Variants in DMAC2 observed in about 807,000 individuals in gnomAD.
The protein encoded by DMAC2 is distal membrane-arm assembly complex protein 2.
A neutral mutation model predicts 29.6 loss-of-function variants in DMAC2; 32 were observed. The observed-to-expected ratio is 1.08, with a 90% CI of 0.81 to 1.45. The LOEUF (loss-of-function observed/expected upper bound fraction) is 1.45, where lower values mean the gene tolerates loss of function less well. Among genes scored for constraint, DMAC2 ranks in the 40% most tolerant of loss-of-function variants. The pLI is 0.00. For missense variants in DMAC2, 319 were observed against 340.0 expected (o/e 0.94, Z 0.49); for synonymous variants, 133 against 137.4 (o/e 0.97, Z 0.23).
At chr19:41,433,976 G>A (rs540781089) in intron 3 of DMAC2, among the ~76,000 whole-genome samples, 1 of 152,270 alleles carries the variant, frequency 6.6e-6, no homozygotes, top group South Asian at 2.1e-4. Context: ...GCTCACGCCT[G>A]TAATCCCAGC....
In DMAC2 at chr19:41,432,706, CGTGT is replaced by C. The variant is rs72065187; in HGVS notation, c.597-302_597-299del. On this transcript the variant is annotated intron_variant, in intron 5 of 5. Transcript: ENST00000221943. ...GGGAGATAAGCCAGTATAAGGACAG[CGTGT>C]GTGTGTGTGTGTGTGTGTGTAGGGA... is the stretch of plus-strand genomic sequence containing the variant. 712 of 207,856 alleles carry C rather than the reference CGTGT, an allele frequency of 3.4e-3. 3 individuals carry two copies. Among genetic ancestry groups the C allele is most frequent in the Middle Eastern group, 7.6e-3 (5 of 656 alleles). 12.9% of individuals were successfully genotyped at this position (207,856 alleles called of 1,614,324 possible).
intron 1 of DMAC2, chr19:41,439,203 G>T: frequency 1.0e-5 from 4 of 401,522 alleles, no homozygotes; most frequent in South Asian, 3.2e-5. Flanking sequence ...ATTTCTCTTT[G>T]CTTTAACCAA....
At chr19:41,436,565 A>G in intron 2 of DMAC2, 93 bp from the exon 3 acceptor site, 1 of 987,948 alleles carries the variant, frequency 1.0e-6, no homozygotes, top group Non-Finnish European at 1.6e-6. Flanking sequence ...AGTCCAGAGA[A>G]CCAGGCACAC....
intron 1 of DMAC2, 119 bp downstream of exon 1, chr19:41,439,763 G>T: frequency 6.5e-7 from 1 of 1,528,166 alleles, no homozygotes; most frequent in Non-Finnish European, 9.0e-7. Context: ...TACGGGGCTT[G>T]CCAGGCTTAG....
intron 3 of DMAC2, among the ~76,000 whole-genome samples, chr19:41,434,815 G>T (rs983755299): frequency 6.6e-6 from 1 of 152,040 alleles, no homozygotes; most frequent in Non-Finnish European, 1.5e-5. Context: ...GACCAGCCTG[G>T]CCAACATGGT....
Position 41,438,307 on chromosome 19 carries a change from G to C in DMAC2, c.126C>G (p.Leu42=), listed in dbSNP as rs782136347. The change falls in exon 2 of 6, where the codon CTC becomes CTG. Residue 42 remains leucine (L), a synonymous_variant. Coordinates refer to ENST00000221943, the MANE Select transcript of DMAC2 (RefSeq NM_018035.3). ...EGNQKKKRTI[L]QFLTNYFYDV... ...CGTAGAAATAGTTGGTCAGGAACTG[G>C]AGTATTGTCCTTTTCTTCTTCTGAT... The C allele has an allele frequency of 3.7e-6, 6 of 1,614,228 alleles. No homozygotes were observed. In the Middle Eastern group the frequency reaches 8.2e-4, roughly 222 times the overall value.
Position 41,432,345 on chromosome 19 carries a change from T to TAG in DMAC2, c.659_660insCT (p.Leu221TyrfsTer21). On this transcript the variant is annotated frameshift_variant, in exon 6 of 6. Transcript: ENST00000221943. LOFTEE classifies it low-confidence loss of function (END_TRUNC). ...AATTGGGCAGCATCTCCTCCACCAATATCTGAGTGAGGCCAGGGTTGGACA... is the reference window on the plus strand; with the variant it reads ...AATTGGGCAGCATCTCCTCCACCAATAGATCTGAGTGAGGCCAGGGTTGGACA... The TAG allele has an allele frequency of 6.2e-7, 1 of 1,614,004 alleles. No homozygotes were observed. Among genetic ancestry groups the TAG allele is most frequent in the Non-Finnish European group, 8.5e-7 (1 of 1,179,986 alleles).
At position 41,438,386 on chromosome 19, in the gene DMAC2, T is replaced by A; in HGVS notation, c.47A>T (p.Asn16Ile). 1 of 1,614,042 alleles carries A rather than the reference T, an allele frequency of 6.2e-7. No individual in the cohort carries two copies. Among genetic ancestry groups the A allele is most frequent in the Non-Finnish European group, 8.5e-7 (1 of 1,179,966 alleles). Residue 16 changes from asparagine to isoleucine, a missense_variant, in exon 2 of 6, where the codon AAT (asparagine) becomes ATT (isoleucine). Coordinates refer to ENST00000221943, the MANE Select transcript of DMAC2 (RefSeq NM_018035.3). ...ASLRLVAPMW[N>I]GRIRGIHRLG... is the part of the protein sequence containing the mutation. ...GCGATGGATGCCCCTGATACGCCCA[T>A]TCCACATGGGGGCGACCAGGCGCAG...
intron 5 of DMAC2, chr19:41,432,946 C>T: frequency 2.0e-6 from 1 of 507,652 alleles, no homozygotes; most frequent in Non-Finnish European, 3.5e-6. Flanking sequence ...TCAACCTTAG[C>T]TTCCTAAAAT....
At chr19:41,433,706 C>T in intron 3 of DMAC2, 33 bp from the exon 4 acceptor site, 2 of 1,613,542 alleles carry the variant, frequency 1.2e-6, no homozygotes, top group Non-Finnish European at 8.5e-7. Context: ...CAGCAGGGCA[C>T]CTGAACCTGC....
intron 5 of DMAC2, 64 bp downstream of exon 5, chr19:41,433,208 C>T: frequency 2.0e-6 from 3 of 1,506,400 alleles, no homozygotes; most frequent in South Asian, 2.5e-5. Flanking sequence ...CACTTCCTCT[C>T]CTGCATCTGG....
Position 41,432,869 on chromosome 19 carries a change from CGT to C in DMAC2, c.596+401_596+402del, listed in dbSNP as rs144379734. 3.2e-3 allele frequency: 1,264 copies of C among 390,202 alleles called. 5 individuals are homozygous for C. The highest frequency in any genetic ancestry group is 0.021 in the East Asian group (473 of 22,554). 24.2% of individuals were successfully genotyped at this position (390,202 alleles called of 1,614,324 possible). ...CCTTACAGGACAGTGTGTGTGCGTG[CGT>C]GTGTGTGTGTGCGTGCGTGCATGCG... On this transcript the variant is annotated intron_variant, in intron 5 of 5. Coordinates refer to ENST00000221943, the MANE Select transcript of DMAC2 (RefSeq NM_018035.3).
intron 2 of DMAC2, 35 bp downstream of exon 2, chr19:41,438,183 G>T (rs373779115): frequency 2.8e-5 from 44 of 1,587,416 alleles, no homozygotes; most frequent in Middle Eastern, 1.7e-4. Context: ...GTGGGCCAGG[G>T]TCTCCACAGG....
rs1431224529 is a variant in DMAC2 at position 41,431,614 on chromosome 19, A to G, written c.*617T>C. The G allele has an allele frequency of 3.5e-6, 1 of 288,150 alleles. No individual in the cohort carries two copies. The highest frequency in any genetic ancestry group is 2.2e-5 in the African/African-American group (1 of 45,312). 17.8% of individuals were successfully genotyped at this position (288,150 alleles called of 1,614,324 possible). On this transcript the variant is annotated 3_prime_UTR_variant, in exon 6 of 6. Transcript: ENST00000221943. Reference sequence around the variant, plus strand: ...AGAAGCACAACCAACAAGAACCACGAAGGAGGCGCCTTTCCTCCTATAATG... The same window carrying G: ...AGAAGCACAACCAACAAGAACCACGGAGGAGGCGCCTTTCCTCCTATAATG...
Position 41,431,481 on chromosome 19 carries a change from T to G in DMAC2, c.*750A>C. ...GGTGCCTCAGTGGAGGCGCTGTGTC[T>G]CCTACGCAACTTCTGAGGGCTGGAG... On this transcript the variant is annotated 3_prime_UTR_variant, in exon 6 of 6. Transcript: ENST00000221943. The G allele has an allele frequency of 5.5e-6, 2 of 366,880 alleles. No homozygotes were observed. Among genetic ancestry groups the G allele is most frequent in the South Asian group, 4.1e-5 (2 of 48,204 alleles). 22.7% of individuals were successfully genotyped at this position (366,880 alleles called of 1,614,324 possible). A position where few individuals can be genotyped will look rare whatever the true frequency, so the allele number is the denominator to read the frequency against.
At chr19:41,436,522 C>T (rs782151177) in intron 2 of DMAC2, 50 bp from the exon 3 acceptor site, 1 of 1,457,034 alleles carries the variant, frequency 6.9e-7, no homozygotes, top group Non-Finnish European at 9.6e-7. Context: ...CACCACAGCC[C>T]TCACGATGCC....
intron 2 of DMAC2, 33 bp downstream of exon 2, chr19:41,438,185 C>G: frequency 6.3e-7 from 1 of 1,589,914 alleles, no homozygotes; most frequent in South Asian, 1.1e-5. Flanking sequence ...GGGCCAGGGT[C>G]TCCACAGGGT....
intron 1 of DMAC2, chr19:41,439,619 G>A (rs1555772438): frequency 1.4e-6 from 2 of 1,475,272 alleles, no homozygotes; most frequent in African/African-American, 1.4e-5. Context: ...TCGCTCTTCG[G>A]CAGCCACTCC....
At chr19:41,433,770 G>T in intron 3 of DMAC2, 97 bp from the exon 4 acceptor site, 1 of 1,506,334 alleles carries the variant, frequency 6.6e-7, no homozygotes, top group Middle Eastern at 1.8e-4. Flanking sequence ...ATATGTATAG[G>T]TCACCCTTGA....
Sources: gnomAD v4.1 joint callset for allele counts (sites outside exome capture counted in the v4.1 genomes callset) on GRCh38, gnomAD v4.1.1 for gene constraint, MANE v1.5 for transcripts, NCBI Gene and HGNC (gene_info 2026-07-23, HGNC 2026-07-21) for gene names.